Variants in ZNF226 observed in about 807,000 individuals in gnomAD.
The protein encoded by ZNF226 is Kruppel-associated box protein.
In ZNF226, 6 loss-of-function variants were observed where a neutral mutation model predicts 11.4. That is an observed-to-expected ratio of 0.53 (90% confidence interval 0.29 to 1.04). The LOEUF is 1.04. Among genes scored for constraint, ZNF226 ranks in the 50% least tolerant of loss-of-function variants. The pLI, the probability that ZNF226 is intolerant of heterozygous loss-of-function variation, is 0.08. For synonymous variants in ZNF226, 350 were observed against 322.8 expected, an observed-to-expected ratio of 1.08 and a Z score of -0.90; for missense variants, 1,058 against 956.5, an observed-to-expected ratio of 1.11 and a Z score of -1.40.
chr19:44,182,341 G>C (rs1056491720), downstream of ZNF226, among the ~76,000 whole-genome samples: 2 of 146,496 alleles, frequency 1.4e-5, no homozygotes, highest in East Asian at 2.0e-4. Flanking sequence ...CACGTGATGC[G>C]CGCGCGCGCG....
intron 2 of ZNF226, among the ~76,000 whole-genome samples, chr19:44,167,316 T>G (rs951952135): frequency 8.9e-5 from 13 of 145,440 alleles, no homozygotes; most frequent in Admixed American, 4.8e-4. Flanking sequence ...TTCTTTAACT[T>G]TTTTTTTTTT....
chr19:44,172,182 T>C lies in ZNF226; in HGVS notation c.110T>C (p.Met37Thr). ...PAQRKLYRDV[M>T]VENFRNLLSV... ...CAGAGGAAGCTGTACCGAGATGTGATGGTGGAGAACTTTAGGAACCTGCTG... is the reference window on the plus strand; with the variant it reads ...CAGAGGAAGCTGTACCGAGATGTGACGGTGGAGAACTTTAGGAACCTGCTG... Residue 37 changes from methionine (M) to threonine (T), a missense_variant, in exon 4 of 6, where the codon ATG (methionine) becomes ACG (threonine). Met to Thr is a moderately conservative substitution (Grantham distance 81, BLOSUM62 -1). Transcript: ENST00000337433. 1.2e-6 allele frequency: 2 copies of C among 1,612,554 alleles called. No individual in the cohort carries two copies. Among genetic ancestry groups the C allele is most frequent in the Non-Finnish European group, 1.7e-6 (2 of 1,179,038 alleles).
At chr19:44,171,112 G>A (rs1375339677) in intron 3 of ZNF226, among the ~76,000 whole-genome samples, 1 of 151,986 alleles carries the variant, frequency 6.6e-6, no homozygotes, top group Non-Finnish European at 1.5e-5. Flanking sequence ...AGTTAGTGTA[G>A]GATTTTTACT....
At chr19:44,184,247 G>A in the ZNF226 span, among the ~76,000 whole-genome samples, 1 of 152,176 alleles carries the variant, frequency 6.6e-6, no homozygotes, top group Middle Eastern at 3.2e-3. Flanking sequence ...GTTAGAAGAT[G>A]GATAATACAA....
At chr19:44,170,180 A>G (rs1425852124) in intron 3 of ZNF226, 85 bp downstream of exon 3, 1 of 1,428,334 alleles carries the variant, frequency 7.0e-7, no homozygotes, top group East Asian at 2.3e-5. Context: ...TTCAAGTAAG[A>G]GTCAAGGCAT....
chr19:44,177,601 A>T lies in ZNF226; in HGVS notation c.2339A>T (p.Asp780Val). Reference protein sequence around the residue: ...LTVHHRIHVGDKSYKSNRGGK... With the variant: ...LTVHHRIHVGVKSYKSNRGGK... ...GTTCATCACAGAATCCATGTTGGTGATAAATCCTATAAAAGTAATAGGGGT... is the reference window on the plus strand; with the variant it reads ...GTTCATCACAGAATCCATGTTGGTGTTAAATCCTATAAAAGTAATAGGGGT... Residue 780 changes from aspartate to valine, a missense_variant, in exon 6 of 6, where the codon GAT becomes GTT. Transcript: ENST00000337433. The T allele has an allele frequency of 1.2e-6, 2 of 1,613,886 alleles. No homozygotes were observed. Among genetic ancestry groups the T allele is most frequent in the Non-Finnish European group, 1.7e-6 (2 of 1,179,828 alleles).
chr19:44,174,916 C>A, intron 5 of ZNF226: 8 of 1,463,618 alleles, frequency 5.5e-6, no homozygotes, highest in Non-Finnish European at 7.5e-6. Context: ...CTTGGTGTAC[C>A]CCTACCTCAG....
the ZNF226 span, among the ~76,000 whole-genome samples, chr19:44,187,300 A>G: frequency 6.6e-6 from 1 of 151,918 alleles, no homozygotes; most frequent in East Asian, 1.9e-4. The surrounding 1 kb of genome is among the most constrained non-coding windows in gnomAD (Gnocchi z 4.0). Context: ...CTCACTAGTT[A>G]TACACCTGTT....
chr19:44,175,047 G>A (rs776830455), intron 5 of ZNF226: 1 of 1,611,208 alleles, frequency 6.2e-7, no homozygotes, highest in East Asian at 2.2e-5. Context: ...TGGATTTGAA[G>A]TTAGAAGAAA....
At position 44,176,505 on chromosome 19, in the gene ZNF226, G is replaced by C; in HGVS notation, c.1243G>C (p.Gly415Arg). 6.2e-7 allele frequency: 1 copy of C among 1,614,118 alleles called. No individual in the cohort carries two copies. ...HLQSHQRVHT[G>R]EKPYKCEECG... ...TCAATCCCATCAAAGAGTTCATACA[G>C]GAGAGAAACCATACAAATGTGAGGA... The change falls in exon 6 of 6, where the codon GGA becomes CGA. Residue 415 changes from glycine to arginine, a missense_variant. Physicochemically the swap from Gly to Arg is moderately radical, Grantham distance 125. Coordinates refer to ENST00000337433, the MANE Select transcript of ZNF226 (RefSeq NM_001032373.2).
At chr19:44,180,479 G>A (rs1039364964), downstream of ZNF226, among the ~76,000 whole-genome samples, 1 of 152,074 alleles carries the variant, frequency 6.6e-6, no homozygotes, top group African/African-American at 2.4e-5. Context: ...CTGAGTCTTC[G>A]ATGTTTAGTT....
At chr19:44,181,925 G>A (rs1388427496), downstream of ZNF226, among the ~76,000 whole-genome samples, 1 of 152,142 alleles carries the variant, frequency 6.6e-6, no homozygotes, top group Non-Finnish European at 1.5e-5. Flanking sequence ...ACGACCATGA[G>A]GAGATACATC....
intron 4 of ZNF226, 162 bp downstream of exon 4, chr19:44,172,376 C>T (rs1205665256): frequency 3.3e-6 from 3 of 904,078 alleles, no homozygotes; most frequent in Admixed American, 3.1e-5. Context: ...TATTTTAGGT[C>T]TTTTTCATTT....
chr19:44,178,585 A>G (rs146369991), downstream of ZNF226, among the ~76,000 whole-genome samples: 180 of 152,324 alleles, frequency 1.2e-3, no homozygotes, highest in African/African-American at 3.9e-3. Flanking sequence ...AAAATTTGAT[A>G]AATTTCATCA....
intron 2 of ZNF226, among the ~76,000 whole-genome samples, chr19:44,168,626 C>G (rs1255279747): frequency 6.6e-6 from 1 of 151,996 alleles, no homozygotes; most frequent in Non-Finnish European, 1.5e-5. Context: ...AATATTTATT[C>G]ATGATTAAAT....
chr19:44,179,938 C>G (rs1324589140), downstream of ZNF226, among the ~76,000 whole-genome samples: 1 of 151,282 alleles, frequency 6.6e-6, no homozygotes, highest in Admixed American at 6.6e-5. Flanking sequence ...AATACAAAAA[C>G]TAGTCGGGTG....
intron 3 of ZNF226, among the ~76,000 whole-genome samples, chr19:44,170,778 C>T (rs897401302): frequency 2.6e-5 from 4 of 151,742 alleles, no homozygotes; most frequent in Admixed American, 2.0e-4. Context: ...CCAGGTATGG[C>T]GGTGCACACT....
At chr19:44,198,173 A>G in the ZNF226 span, among the ~76,000 whole-genome samples, 54 of 152,318 alleles carry the variant, frequency 3.5e-4, no homozygotes, top group Non-Finnish European at 6.6e-4. Flanking sequence ...TAGTCTATTC[A>G]TATTTGCATA....
At chr19:44,178,931 G>A (rs114175949), downstream of ZNF226, among the ~76,000 whole-genome samples, 43 of 152,236 alleles carry the variant, frequency 2.8e-4, no homozygotes, top group Admixed American at 2.4e-3. Context: ...CATAATCCCC[G>A]TACTTTGGGA....
Sources: allele counts gnomAD v4.1 joint callset (sites outside exome capture counted in the v4.1 genomes callset), GRCh38; gene constraint gnomAD v4.1.1; non-coding constraint Gnocchi (gnomAD v3.1); transcripts MANE v1.5; gene names NCBI Gene and HGNC (gene_info 2026-07-23, HGNC 2026-07-21).